CNTNAP2: variants seen among roughly 807,000 people sequenced by gnomAD.
CNTNAP2 encodes the protein contactin associated protein 2.
Under a neutral mutation model 155.2 loss-of-function variants are expected in CNTNAP2, and 98 were observed. That is an observed-to-expected ratio of 0.63 (90% CI 0.54 to 0.75). The LOEUF is 0.75. CNTNAP2 is among the 30% of genes least tolerant of loss of function. The pLI, the probability that CNTNAP2 is intolerant of heterozygous loss-of-function variation, is 0.00. For missense variants in CNTNAP2, 1,727 were observed against 1,688.1 expected, an observed-to-expected ratio of 1.02 and a Z score of -0.40; for synonymous variants, 651 against 631.2, an observed-to-expected ratio of 1.03 and a Z score of -0.47.
At chr7:147,131,159 A>C (rs1423872562) in intron 7 of CNTNAP2, among the ~76,000 whole-genome samples, 2 of 149,190 alleles carry the variant, frequency 1.3e-5, no homozygotes, top group Admixed American at 6.7e-5. Context: ...TACCATATAC[A>C]TATATATGTA....
rs1483450083 is a variant in CNTNAP2 at position 146,527,106 on chromosome 7, C to A, written c.98-247165C>A. On this transcript the variant is annotated intron_variant, in intron 1 of 23. Coordinates refer to ENST00000361727, the MANE Select transcript of CNTNAP2 (RefSeq NM_014141.6). ...TCACATTTTTTTTAGAAAAAAAAAT[C>A]CCTCCTCTTCTTTACAAAATATGTA... 2.0e-5 allele frequency among the ~76,000 whole-genome samples: 3 copies of A among 151,920 alleles called. No homozygotes were observed. In the East Asian group the frequency reaches 5.8e-4, roughly 29 times the overall value.
chr7:148,280,221 T>C (rs573754646), intron 21 of CNTNAP2, among the ~76,000 whole-genome samples: 10 of 152,200 alleles, frequency 6.6e-5, no homozygotes, highest in East Asian at 1.9e-4. Context: ...GGCAGGAGAA[T>C]TGCTTGAGCC....
intron 15 of CNTNAP2, among the ~76,000 whole-genome samples, chr7:148,087,644 G>A (rs796840938): frequency 4.0e-4 from 61 of 152,056 alleles, no homozygotes; most frequent in African/African-American, 1.4e-3. Flanking sequence ...AAACATATTT[G>A]TTTTCTAGCA....
intron 13 of CNTNAP2, among the ~76,000 whole-genome samples, chr7:147,796,734 A>C (rs1366240867): frequency 6.6e-6 from 1 of 152,234 alleles, no homozygotes; most frequent in Non-Finnish European, 1.5e-5. Context: ...AAGGATGCAC[A>C]GAGATGCTGC....
chr7:146,817,151 G>T (rs184337695), intron 2 of CNTNAP2, among the ~76,000 whole-genome samples: 1 of 152,076 alleles, frequency 6.6e-6, no homozygotes, highest in East Asian at 1.9e-4. Context: ...GTCAAATACT[G>T]TATTAGACTG....
rs199684594 is a variant in CNTNAP2 at position 146,504,335 on chromosome 7, T to TG, written c.98-269930dup. Among the ~76,000 whole-genome samples, 827 of 152,308 alleles carry TG rather than the reference T, an allele frequency of 5.4e-3. 2 individuals are homozygous for TG. The highest frequency in any genetic ancestry group is 0.018 in the African/African-American group (744 of 41,556). Reference sequence around the variant, plus strand: ...AGCCCAGAGACACCCACCATGTCTATGGGGGGTCATCAGTAAGGCTGTCAG... The same window carrying TG: ...AGCCCAGAGACACCCACCATGTCTATGGGGGGGTCATCAGTAAGGCTGTCAG... On this transcript the variant is annotated intron_variant, in intron 1 of 23. Coordinates refer to ENST00000361727, the MANE Select transcript of CNTNAP2 (RefSeq NM_014141.6).
At chr7:147,318,623 A>T (rs28645305) in intron 9 of CNTNAP2, among the ~76,000 whole-genome samples, 74,303 of 151,408 alleles carry the variant, frequency 0.49, 19,386 homozygotes, top group East Asian at 0.73. Context: ...ATAAGAACAC[A>T]TGGACACAGG....
chr7:148,226,746 G>A (rs972380207), intron 19 of CNTNAP2, among the ~76,000 whole-genome samples: 7 of 152,210 alleles, frequency 4.6e-5, no homozygotes, highest in East Asian at 3.9e-4. Context: ...CCGCCCCAAG[G>A]GAAGAATCAG....
chr7:146,911,948 T>C (rs1216031716), intron 3 of CNTNAP2, among the ~76,000 whole-genome samples: 1 of 152,082 alleles, frequency 6.6e-6, no homozygotes, highest in Non-Finnish European at 1.5e-5. Context: ...CCAAAACACA[T>C]GGTATAATGA....
chr7:146,483,373 A>G (rs181651114), intron 1 of CNTNAP2, among the ~76,000 whole-genome samples: 1 of 138,166 alleles, frequency 7.2e-6, no homozygotes, highest in East Asian at 2.2e-4. Context: ...AGCATGCATT[A>G]TTGCATATTG....
chr7:148,365,764 A>T (rs34080310), intron 21 of CNTNAP2, among the ~76,000 whole-genome samples: 1 of 56,248 alleles, frequency 1.8e-5, no homozygotes, highest in East Asian at 3.5e-4. Flanking sequence ...GTATGTGTAT[A>T]CGTGTATACA....
chr7:146,292,521 CTG>C (rs757780151), intron 1 of CNTNAP2, among the ~76,000 whole-genome samples: 1 of 152,160 alleles, frequency 6.6e-6, no homozygotes, highest in East Asian at 1.9e-4. Flanking sequence ...TCTTAACACA[CTG>C]TTGATGGGAA....
Position 147,745,648 on chromosome 7 carries a change from A to G in CNTNAP2, c.2098+106342A>G, listed in dbSNP as rs1037421738. ...AGCCAGAATATATTTCTTTATAACC[A>G]ATCGAGAAATGTGACTATAATGAAG... On this transcript the variant is annotated intron_variant, in intron 13 of 23. Coordinates refer to ENST00000361727, the MANE Select transcript of CNTNAP2 (RefSeq NM_014141.6). 2.0e-5 allele frequency among the ~76,000 whole-genome samples: 3 copies of G among 152,220 alleles called. No homozygotes were observed. In the East Asian group the frequency reaches 5.8e-4, roughly 29 times the overall value.
chr7:148,225,463 G>A (rs1355498755), intron 19 of CNTNAP2, among the ~76,000 whole-genome samples: 1 of 152,142 alleles, frequency 6.6e-6, no homozygotes, highest in Non-Finnish European at 1.5e-5. Flanking sequence ...CAATGTGGAT[G>A]GTGAGGAGTG....
Position 147,177,990 on chromosome 7 carries a change from C to A in CNTNAP2, c.1348+45481C>A, listed in dbSNP as rs138181775. On this transcript the variant is annotated intron_variant, in intron 8 of 23. Coordinates refer to ENST00000361727, the MANE Select transcript of CNTNAP2 (RefSeq NM_014141.6). ...ACTATAATACTTACATGCAGAGAATCCACTAATTTCTAGCTTACCCCTCAA... is the reference window on the plus strand; with the variant it reads ...ACTATAATACTTACATGCAGAGAATACACTAATTTCTAGCTTACCCCTCAA... Among the ~76,000 whole-genome samples the A allele has an allele frequency of 1.4e-3, 211 of 152,132 alleles. 2 individuals are homozygous for A. Among genetic ancestry groups the A allele is most frequent in the South Asian group, 9.1e-3 (44 of 4,822 alleles).
At chr7:146,209,145 C>A (rs978859088) in intron 1 of CNTNAP2, among the ~76,000 whole-genome samples, 6 of 152,050 alleles carry the variant, frequency 3.9e-5, no homozygotes, top group Non-Finnish European at 7.4e-5. Flanking sequence ...TGGAAATGAG[C>A]CATATGAGGT....
chr7:147,245,897 CTG>C (rs918917262), intron 8 of CNTNAP2, among the ~76,000 whole-genome samples: 1 of 149,920 alleles, frequency 6.7e-6, no homozygotes, highest in Non-Finnish European at 1.5e-5. Context: ...ATATATGTAT[CTG>C]TGTGTGTGTA....
At chr7:147,028,959 CT>C (rs397889433) in intron 3 of CNTNAP2, among the ~76,000 whole-genome samples, 560 of 103,726 alleles carry the variant, frequency 5.4e-3, no homozygotes, top group Middle Eastern at 0.03. Context: ...AAGATATGTT[CT>C]TTTTTTTTTT....
chr7:147,607,243 C>A (rs980120185), intron 12 of CNTNAP2, among the ~76,000 whole-genome samples: 3 of 128,702 alleles, frequency 2.3e-5, no homozygotes, highest in African/African-American at 9.4e-5. Context: ...CCCCTCCCTG[C>A]CCTTCTGGGA....
Sources: gnomAD v4.1 joint callset for allele counts (sites outside exome capture counted in the v4.1 genomes callset) on GRCh38, gnomAD v4.1.1 for gene constraint, MANE v1.5 for transcripts, NCBI Gene and HGNC (gene_info 2026-07-23, HGNC 2026-07-21) for gene names.